The following ESPN variants were observed in gnomAD, a reference collection of about 807,000 sequenced individuals.
ESPN encodes espin.
ESPN carries 68 observed loss-of-function variants against 77.7 expected under a neutral mutation model. The observed-to-expected ratio is 0.87, with a 90% CI of 0.72 to 1.07. The LOEUF is 1.07. Among genes scored for constraint, ESPN ranks in the 50% least tolerant of loss-of-function variants. ESPN has a pLI of 0.00. For synonymous variants in ESPN, 449 were observed against 567.1 expected, an observed-to-expected ratio of 0.79 and a Z score of 2.96; for missense variants, 1,060 against 1,239.0, an observed-to-expected ratio of 0.86 and a Z score of 2.17.
At chr1:6,456,989 C>G (rs1460738617) in intron 10 of ESPN, among the ~76,000 whole-genome samples, 195 bp from the exon 11 acceptor site, 1 of 152,246 alleles carries the variant, frequency 6.6e-6, no homozygotes, top group African/African-American at 2.4e-5. Flanking sequence ...TCCTGTAGGA[C>G]ATGAGGGTCT....
At chr1:6,426,899 G>A (rs1033340012) in intron 1 of ESPN, among the ~76,000 whole-genome samples, 2 of 152,038 alleles carry the variant, frequency 1.3e-5, no homozygotes, top group African/African-American at 4.8e-5. Flanking sequence ...AGCTTCCTAT[G>A]GGCCATCACA....
chr1:6,440,603 C>CCCAG, intron 3 of ESPN, 23 bp from the exon 4 acceptor site: 7 of 1,261,250 alleles, frequency 5.6e-6, no homozygotes, highest in Non-Finnish European at 7.6e-6. Flanking sequence ...CCCCGCCCCC[C>CCCAG]TCTCCCCGCC....
intron 12 of ESPN, among the ~76,000 whole-genome samples, chr1:6,459,523 C>T (rs1210701222): frequency 6.6e-6 from 1 of 151,952 alleles, no homozygotes; most frequent in Non-Finnish European, 1.5e-5. Flanking sequence ...AGTGACTACT[C>T]TGTCAACAGG....
intron 7 of ESPN, among the ~76,000 whole-genome samples, chr1:6,446,625 G>A (rs964781219): frequency 5.3e-5 from 8 of 152,184 alleles, no homozygotes; most frequent in African/African-American, 1.9e-4. Flanking sequence ...TGGAGCAGGG[G>A]TTGGGGCAGA....
At chr1:6,444,034 G>C (rs573289129) in intron 5 of ESPN, among the ~76,000 whole-genome samples, 1 of 152,234 alleles carries the variant, frequency 6.6e-6, no homozygotes, top group African/African-American at 2.4e-5. Context: ...GAGACAGGCC[G>C]GGCTGGTGTT....
At position 6,452,450 on chromosome 1, in the gene ESPN, G is replaced by C. The variant is rs574770313; in HGVS notation, c.2325+354G>C. ...ATTACAGGCATGAACCACCGTGCCC[G>C]GCCATTTTCTTTAGGGAAAGCAGGG... On this transcript the variant is annotated intron_variant, in intron 10 of 12. Coordinates refer to ENST00000645284, the MANE Select transcript of ESPN (RefSeq NM_031475.3). Among the ~76,000 whole-genome samples the C allele has an allele frequency of 3.2e-4, 49 of 152,180 alleles. 1 individual carries two copies. The highest frequency in any genetic ancestry group is 6.8e-3 in the Middle Eastern group (2 of 294).
chr1:6,427,811 C>G lies in ESPN; in HGVS notation c.295-415C>G, dbSNP rs923072839. On this transcript the variant is annotated intron_variant, in intron 1 of 12. Transcript: ENST00000645284. This position sits in a 1 kb window ranked among gnomAD's most constrained non-coding sequence, Gnocchi z 4.6. ...AGCTTGGTACAGCCCCACAGCCCCC[C>G]TTCCTGGCCCTGCTCAGCCCAGTAA... Among the ~76,000 whole-genome samples, 1 of 152,214 alleles carries G rather than the reference C, an allele frequency of 6.6e-6. No homozygotes were observed. The highest frequency in any genetic ancestry group is 2.4e-5 in the African/African-American group (1 of 41,458).
intron 2 of ESPN, among the ~76,000 whole-genome samples, chr1:6,438,443 CAAG>C (rs1412986717): frequency 2.6e-5 from 4 of 152,218 alleles, no homozygotes; most frequent in African/African-American, 9.6e-5. Context: ...GACAAAGAGA[CAAG>C]AAGCAAGACT....
intron 2 of ESPN, among the ~76,000 whole-genome samples, chr1:6,436,664 C>G (rs1643448050): frequency 6.6e-6 from 1 of 152,036 alleles, no homozygotes; most frequent in Non-Finnish European, 1.5e-5. Flanking sequence ...ACCAACACAC[C>G]TGGCTCATTT....
intron 5 of ESPN, among the ~76,000 whole-genome samples, chr1:6,442,848 A>G (rs539529142): frequency 1.1e-3 from 152 of 139,686 alleles, no homozygotes; most frequent in African/African-American, 4.1e-3. Context: ...AGCCTGGGTG[A>G]CAGAGCAAGA....
At chr1:6,441,526 C>T (rs1293257210) in intron 5 of ESPN, among the ~76,000 whole-genome samples, 1 of 152,178 alleles carries the variant, frequency 6.6e-6, no homozygotes, top group Non-Finnish European at 1.5e-5. Flanking sequence ...CCTCTCAGCC[C>T]CTGCACCATA....
chr1:6,456,750 G>A (rs1443126241), intron 10 of ESPN: 6 of 298,580 alleles, frequency 2.0e-5, no homozygotes, highest in Non-Finnish European at 3.8e-5. Flanking sequence ...ACTCTATTGG[G>A]AAGATGGCAA....
rs1389568503 is a variant in ESPN, at chr1:6,448,748, C to T, written c.1572C>T (p.Gly524=). ...PSTGDYYRQL[G]RCPGETLAAR... ...CGGGGGACTACTACCGGCAGCTGGGCCGCTGCCCCGGCGAGACGCTGGCCG... is the reference window on the plus strand; with the variant it reads ...CGGGGGACTACTACCGGCAGCTGGGTCGCTGCCCCGGCGAGACGCTGGCCG... The change falls in exon 8 of 13, where the codon GGC becomes GGT. Residue 524 remains glycine, a synonymous_variant. Transcript: ENST00000645284. The T allele has an allele frequency of 1.4e-6, 2 of 1,468,268 alleles. No individual in the cohort carries two copies. 91.0% of individuals were successfully genotyped at this position (1,468,268 alleles called of 1,614,324 possible).
intron 2 of ESPN, among the ~76,000 whole-genome samples, chr1:6,433,216 G>A (rs1166578921): frequency 2.0e-5 from 3 of 152,118 alleles, no homozygotes; most frequent in South Asian, 2.1e-4. Context: ...AAGCTGAGGC[G>A]GGCGGATCAC....
intron 5 of ESPN, 29 bp from the exon 6 acceptor site, chr1:6,444,452 T>C: frequency 6.2e-7 from 1 of 1,612,688 alleles, no homozygotes; most frequent in South Asian, 1.1e-5. Context: ...GGTATGGTTG[T>C]CTTCATGGCC....
In ESPN at chr1:6,452,096, G is replaced by A; in HGVS notation, c.2325G>A (p.Lys775=). 6.5e-7 allele frequency: 1 copy of A among 1,539,924 alleles called. No individual in the cohort carries two copies. Among genetic ancestry groups the A allele is most frequent in the Non-Finnish European group, 8.7e-7 (1 of 1,143,400 alleles). Residue 775 remains lysine, a splice_region_variant and synonymous_variant, in exon 10 of 13, where the codon AAG becomes AAA. Transcript: ENST00000645284. ...KMQEEEEQRR[K]EEEEEARLAS... The stretch of plus-strand genomic sequence containing the variant: ...AGGAGGAGGAGGAGCAGAGGCGGAA[G>A]GTGGGTGGGGCGGGGTGCCCAGGGA...
At position 6,445,670 on chromosome 1, in the gene ESPN, C is replaced by T; in HGVS notation, c.1199C>T (p.Ser400Phe). ...IKGQHPPCGL[S>F]SARAADIQSY... ...CTTCCTTCTGCCTCCCCAGGGCTTT[C>T]CAGCGCTAGAGCTGCAGACATACAG... The change falls in exon 7 of 13, where the codon TCC becomes TTC. Residue 400 changes from serine (S) to phenylalanine (F), a missense_variant. Transcript: ENST00000645284. 1 of 1,612,458 alleles carries T rather than the reference C, an allele frequency of 6.2e-7. No individual in the cohort carries two copies.
Position 6,445,112 on chromosome 1 carries a change from C to T in ESPN, c.1192+430C>T, listed in dbSNP as rs532127746. Among the ~76,000 whole-genome samples the T allele has an allele frequency of 1.7e-3, 258 of 148,824 alleles. 1 individual carries two copies. Among genetic ancestry groups the T allele is most frequent in the African/African-American group, 6.3e-3 (254 of 40,618 alleles). On this transcript the variant is annotated intron_variant, in intron 6 of 12. Coordinates refer to ENST00000645284, the MANE Select transcript of ESPN (RefSeq NM_031475.3). ...ACAGATATGCACGCACACACACACA[C>T]ATACACACCATGTCCACAGAGCAAT... is the stretch of plus-strand genomic sequence containing the variant.
chr1:6,452,292 C>T (rs539837464), intron 10 of ESPN, among the ~76,000 whole-genome samples, 196 bp downstream of exon 10: 5 of 151,974 alleles, frequency 3.3e-5, no homozygotes, highest in Admixed American at 6.5e-5. Flanking sequence ...GCAACCTTCG[C>T]CTCCCAGGTT....
Sources: allele counts gnomAD v4.1 joint callset (sites outside exome capture counted in the v4.1 genomes callset), GRCh38; gene constraint gnomAD v4.1.1; non-coding constraint Gnocchi (gnomAD v3.1); transcripts MANE v1.5; gene names NCBI Gene and HGNC (gene_info 2026-07-23, HGNC 2026-07-21).